ARHGEF11: variants seen among roughly 807,000 people sequenced by gnomAD.
ARHGEF11 encodes the protein Rho guanine exchange factor (GEF) 11.
A neutral mutation model predicts 193.7 loss-of-function variants in ARHGEF11; 55 were observed. That is an observed-to-expected ratio of 0.28 (90% CI 0.23 to 0.36). The LOEUF (loss-of-function observed/expected upper bound fraction) is 0.36. Among genes scored for constraint, ARHGEF11 ranks in the 10% least tolerant of loss-of-function variants. ARHGEF11 has a pLI of 1.00. For missense variants in ARHGEF11, 1,723 were observed against 2,005.6 expected, an observed-to-expected ratio of 0.86 and a Z score of 2.69; for synonymous variants, 693 against 768.0, an observed-to-expected ratio of 0.90 and a Z score of 1.62.
Position 156,940,283 on chromosome 1 carries a change from C to G in ARHGEF11, c.3657G>C (p.Arg1219Ser), listed in dbSNP as rs148163117. The change falls in exon 36 of 41, where the codon AGG (arginine) becomes AGC (serine). Residue 1219 changes from arginine to serine, a missense_variant. Around this residue, in one of 5 missense-constraint regions of ARHGEF11, gnomAD observed 203 missense variants for 237.3 expected, o/e 0.86. Coordinates refer to ENST00000368194, the MANE Select transcript of ARHGEF11 (RefSeq NM_198236.3). ...TSLDGENRGIRTRNPIHLAFP... is the reference protein window; with the variant it reads ...TSLDGENRGISTRNPIHLAFP... Reference sequence around the variant, plus strand: ...AGGCCAAGTGGATGGGGTTCCTTGTCCTGATGCCCCTGTTCTCTCCATCCA... The same window carrying G: ...AGGCCAAGTGGATGGGGTTCCTTGTGCTGATGCCCCTGTTCTCTCCATCCA... The G allele has an allele frequency of 1.9e-6, 3 of 1,613,400 alleles. No homozygotes were observed. The highest frequency in any genetic ancestry group is 2.7e-5 in the African/African-American group (2 of 75,054).
rs764669207 is a variant in ARHGEF11 at position 156,971,828 on chromosome 1, T to A, written c.583-12A>T. ...ACCTCACAGATACGCTAGGGATGGG[T>A]GAGGAGGAGAAGGGGGAGGGGAAAA... is the stretch of plus-strand genomic sequence containing the variant. On this transcript the variant is annotated splice_polypyrimidine_tract_variant and intron_variant, in intron 7 of 40. Coordinates refer to ENST00000368194, the MANE Select transcript of ARHGEF11 (RefSeq NM_198236.3). 3 of 1,606,680 alleles carry A rather than the reference T, an allele frequency of 1.9e-6. No homozygotes were observed. Among genetic ancestry groups the A allele is most frequent in the Admixed American group, 1.7e-5 (1 of 59,786 alleles).
At chr1:156,981,831 C>CA (rs1396702348) in intron 3 of ARHGEF11, among the ~76,000 whole-genome samples, 1 of 152,050 alleles carries the variant, frequency 6.6e-6, no homozygotes, top group Non-Finnish European at 1.5e-5. Flanking sequence ...CCAGGAAGCA[C>CA]AAAAAACACT....
rs200780703 is a variant in ARHGEF11 at position 156,976,936 on chromosome 1, T to C, written c.582+47A>G. 8.5e-4 allele frequency: 1,304 copies of C among 1,528,240 alleles called. 1 individual carries two copies. The highest frequency in any genetic ancestry group is 1.1e-3 in the Non-Finnish European group (1,241 of 1,101,988). The allele number at this position is 1,528,240 out of a possible 1,614,324, so 94.7% of individuals were successfully genotyped here. On this transcript the variant is annotated intron_variant, in intron 7 of 40. Coordinates refer to ENST00000368194, the MANE Select transcript of ARHGEF11 (RefSeq NM_198236.3). The stretch of plus-strand genomic sequence containing the variant: ...ATTGGCAGGCTGCTCTGATAAAGTA[T>C]TATTTCACTCAGGCAATGGCCAGTC...
chr1:156,982,336 A>G (rs764930396), intron 3 of ARHGEF11, among the ~76,000 whole-genome samples: 4 of 152,180 alleles, frequency 2.6e-5, no homozygotes, highest in Non-Finnish European at 4.4e-5. Context: ...AGTGCTTCCG[A>G]GGTCAGCCCC....
chr1:157,044,565 AG>A lies in ARHGEF11; in HGVS notation c.-236del. The A allele has an allele frequency of 4.3e-6, 2 of 463,592 alleles. No homozygotes were observed. Among genetic ancestry groups the A allele is most frequent in the Non-Finnish European group, 7.6e-6 (2 of 261,572 alleles). The allele number at this position is 463,592 out of a possible 1,614,324, so 28.7% of individuals were successfully genotyped here. On this transcript the variant is annotated 5_prime_UTR_variant, in exon 1 of 41. Transcript: ENST00000368194. ...CTCCCCCGCTTTAAAAAAAAAGAAA[AG>A]AAAAGAAAAAAGAAAAAAAAAGGAA...
chr1:156,940,184 C>T (rs200246881), intron 36 of ARHGEF11, 23 bp downstream of exon 36: 74 of 1,547,510 alleles, frequency 4.8e-5, no homozygotes, highest in African/African-American at 4.1e-5. Context: ...CAGGGGCTGA[C>T]GGCAGGGCCT....
At chr1:156,942,941 A>G (rs1370868864) in intron 32 of ARHGEF11, among the ~76,000 whole-genome samples, 161 bp from the exon 33 acceptor site, 3 of 152,182 alleles carry the variant, frequency 2.0e-5, no homozygotes, top group Admixed American at 2.0e-4. Context: ...CTTGGAACCC[A>G]CTTACATAAG....
intron 1 of ARHGEF11, among the ~76,000 whole-genome samples, chr1:157,015,437 AT>A (rs1260246250): frequency 6.6e-6 from 1 of 152,208 alleles, no homozygotes; most frequent in East Asian, 1.9e-4. Flanking sequence ...CTATATGAGT[AT>A]TTATCAAACA....
Position 156,938,413 on chromosome 1 carries a change from A to G in ARHGEF11, c.4192+5T>C. 2 of 1,612,574 alleles carry G rather than the reference A, an allele frequency of 1.2e-6. No individual in the cohort carries two copies. The highest frequency in any genetic ancestry group is 1.7e-6 in the Non-Finnish European group (2 of 1,179,006). On this transcript the variant is annotated splice_donor_5th_base_variant and intron_variant, in intron 38 of 40. Transcript: ENST00000368194. ...TGTCTTTAGCTCCAAGGAGAAAGTT[A>G]TTACCCGTAGCCTTTGTTCCGCCTT...
At chr1:156,949,057 C>A (rs1658672291) in intron 22 of ARHGEF11, 3 of 985,324 alleles carry the variant, frequency 3.0e-6, no homozygotes, top group Admixed American at 6.1e-5. Context: ...TCAGAAAGTT[C>A]TATCTGCTGC....
At position 156,963,449 on chromosome 1, in the gene ARHGEF11, A is replaced by G. The variant is rs1173076603; in HGVS notation, c.1038+71T>C. On this transcript the variant is annotated intron_variant, in intron 12 of 40. Coordinates refer to ENST00000368194, the MANE Select transcript of ARHGEF11 (RefSeq NM_198236.3). Reference sequence around the variant, plus strand: ...TCCCTTCACAGCTGATGCTAGTCAAACTGCTTCTAGTCAAGAGCAGCTTGT... The same window carrying G: ...TCCCTTCACAGCTGATGCTAGTCAAGCTGCTTCTAGTCAAGAGCAGCTTGT... 5.2e-6 allele frequency: 8 copies of G among 1,550,504 alleles called. No individual in the cohort carries two copies. The East Asian group carries it at 1.8e-4, about 35-fold the overall frequency.
At position 156,937,329 on chromosome 1, in the gene ARHGEF11, G is replaced by C; in HGVS notation, c.4360C>G (p.Pro1454Ala). 6.2e-7 allele frequency: 1 copy of C among 1,613,932 alleles called. No individual in the cohort carries two copies. Among genetic ancestry groups the C allele is most frequent in the Non-Finnish European group, 8.5e-7 (1 of 1,179,910 alleles). The stretch of plus-strand genomic sequence containing the variant: ...ACGTCCCTGAGGGCCAGGCTTGGAG[G>C]AGAGCGGCTGGGGCGTCTTGGATCA... Reference protein sequence around the residue: ...NDDPRRPSRSPPSLALRDVGM... With the variant: ...NDDPRRPSRSAPSLALRDVGM... Residue 1454 changes from proline to alanine, a missense_variant, in exon 39 of 41, where the codon CCT (proline) becomes GCT (alanine). Physicochemically the swap from Pro to Ala is conservative, Grantham distance 27. This residue lies in a region of ARHGEF11 where 360 missense variants were observed against 344.4 expected (regional missense o/e 1.05). Coordinates refer to ENST00000368194, the MANE Select transcript of ARHGEF11 (RefSeq NM_198236.3).
At position 156,968,097 on chromosome 1, in the gene ARHGEF11, A is replaced by T. The variant is rs1241429930; in HGVS notation, c.853T>A (p.Ser285Thr). ...ESLMNRNSVL[S>T]DPGLDSPRTS... Reference sequence around the variant, plus strand: ...CGAGGACTGTCTAGCCCAGGGTCTGACAGTACCGAGTTCCGATTCATCAAT... The same window carrying T: ...CGAGGACTGTCTAGCCCAGGGTCTGTCAGTACCGAGTTCCGATTCATCAAT... The change falls in exon 11 of 41, where the codon TCA (serine) becomes ACA (threonine). Residue 285 changes from serine to threonine, a missense_variant. Transcript: ENST00000368194. The T allele has an allele frequency of 1.2e-6, 2 of 1,613,084 alleles. No individual in the cohort carries two copies. Among genetic ancestry groups the T allele is most frequent in the Non-Finnish European group, 1.7e-6 (2 of 1,179,224 alleles).
At chr1:157,023,891 A>G (rs141630733) in intron 1 of ARHGEF11, among the ~76,000 whole-genome samples, 1,968 of 152,334 alleles carry the variant, frequency 0.013, 39 homozygotes, top group African/African-American at 0.045. Flanking sequence ...GTTCCTTAAC[A>G]TGCTAAACAC....
In ARHGEF11 at chr1:156,959,093, A is replaced by G; in HGVS notation, c.1332T>C (p.Ala444=). ...GGATCTCAGGCATGGCTGCCTCTTG[A>G]GCTTCACAGAGAACACCACGGGCAT... is the stretch of plus-strand genomic sequence containing the variant. ...SEDARGVLCE[A]QEAAMPEIQE... The change falls in exon 16 of 41, where the codon GCT becomes GCC. Residue 444 remains alanine, a synonymous_variant. Coordinates refer to ENST00000368194, the MANE Select transcript of ARHGEF11 (RefSeq NM_198236.3). The G allele has an allele frequency of 6.2e-7, 1 of 1,614,084 alleles. No individual in the cohort carries two copies. Among genetic ancestry groups the G allele is most frequent in the Non-Finnish European group, 8.5e-7 (1 of 1,180,024 alleles).
Position 156,936,919 on chromosome 1 carries a change from T to G in ARHGEF11, c.4527A>C (p.Thr1509=), listed in dbSNP as rs1351200517. Residue 1509 remains threonine (T), a synonymous_variant, in exon 40 of 41, where the codon ACA becomes ACC. Coordinates refer to ENST00000368194, the MANE Select transcript of ARHGEF11 (RefSeq NM_198236.3). The part of the protein sequence containing the change: ...GGTTPVGSFH[T]EAARWTDGSL... ...AGCCATCTGTCCATCTAGCTGCTTCTGTGTGGAAACTGCCCACAGGCGTGG... is the reference window on the plus strand; with the variant it reads ...AGCCATCTGTCCATCTAGCTGCTTCGGTGTGGAAACTGCCCACAGGCGTGG... The G allele has an allele frequency of 1.2e-6, 2 of 1,614,132 alleles. No individual in the cohort carries two copies. The highest frequency in any genetic ancestry group is 4.5e-5 in the East Asian group (2 of 44,874).
chr1:156,941,729 C>T, intron 34 of ARHGEF11, 135 bp downstream of exon 34: 2 of 1,336,174 alleles, frequency 1.5e-6, no homozygotes, highest in Non-Finnish European at 2.0e-6. Flanking sequence ...TCTGCCAGCA[C>T]TTGGAGCTGT....
intron 17 of ARHGEF11, among the ~76,000 whole-genome samples, chr1:156,958,221 C>T (rs1326373622): frequency 2.6e-5 from 4 of 152,166 alleles, no homozygotes; most frequent in Non-Finnish European, 5.9e-5. Flanking sequence ...ATCACAGGTG[C>T]CTATGACACT....
chr1:156,946,682 G>A lies in ARHGEF11; in HGVS notation c.2674C>T (p.Arg892Ter). ...LIKTKQRKESRFQLFMQEAES... is the reference protein window; with the variant it reads ...LIKTKQRKES ...CGCACCTGCATGAAGAGCTGGAATCGACTCTCCTTGCGTTGCTTGGTCTTG... is the reference window on the plus strand; with the variant it reads ...CGCACCTGCATGAAGAGCTGGAATCAACTCTCCTTGCGTTGCTTGGTCTTG... Residue 892 changes from arginine to a stop codon, truncating the protein, a stop_gained, in exon 28 of 41, where the codon CGA becomes TGA. Coordinates refer to ENST00000368194, the MANE Select transcript of ARHGEF11 (RefSeq NM_198236.3). LOFTEE classifies it high-confidence loss of function. The A allele has an allele frequency of 6.2e-7, 1 of 1,614,170 alleles. No individual in the cohort carries two copies. The highest frequency in any genetic ancestry group is 8.5e-7 in the Non-Finnish European group (1 of 1,180,042).
Sources: gnomAD v4.1 joint callset for allele counts (sites outside exome capture counted in the v4.1 genomes callset) on GRCh38, gnomAD v4.1.1 for gene constraint, gnomAD v4.1.1 regional missense constraint, MANE v1.5 for transcripts, NCBI Gene and HGNC (gene_info 2026-07-23, HGNC 2026-07-21) for gene names.